SOX6: variants seen among roughly 807,000 people sequenced by gnomAD.
SOX6 encodes the protein SRY-box transcription factor 6.
Under a neutral mutation model 97.8 loss-of-function variants are expected in SOX6, and 11 were observed. That is an observed-to-expected ratio of 0.11 (90% confidence interval 0.07 to 0.19). SOX6 has a LOEUF of 0.19. Among genes scored for constraint, SOX6 ranks in the 10% least tolerant of loss-of-function variants. SOX6 has a pLI of 1.00. For synonymous variants in SOX6, 360 were observed against 371.4 expected, an observed-to-expected ratio of 0.97 and a Z score of 0.35; for missense variants, 810 against 1,039.5, an observed-to-expected ratio of 0.78 and a Z score of 3.04.
chr11:16,426,115 G>A (rs956650239), intron 1 of SOX6, among the ~76,000 whole-genome samples: 2 of 151,342 alleles, frequency 1.3e-5, no homozygotes, highest in African/African-American at 4.9e-5. Context: ...AATTAGCCAG[G>A]CGTGGTGGTG....
intron 2 of SOX6, among the ~76,000 whole-genome samples, chr11:16,715,938 A>T (rs1848216714): frequency 6.6e-6 from 1 of 152,160 alleles, no homozygotes. Context: ...ATATTTTTTT[A>T]AATAAGCATT....
chr11:16,250,894 T>A (rs2134199200), intron 3 of SOX6, among the ~76,000 whole-genome samples: 1 of 152,104 alleles, frequency 6.6e-6, no homozygotes, highest in Non-Finnish European at 1.5e-5. Context: ...ACATAGAAAA[T>A]GACTCATATA....
At chr11:16,251,415 A>G (rs528544298) in intron 3 of SOX6, among the ~76,000 whole-genome samples, 2 of 152,272 alleles carry the variant, frequency 1.3e-5, no homozygotes, top group Non-Finnish European at 2.9e-5. Flanking sequence ...TTATATCAAT[A>G]ATGAAAAAGG....
At chr11:16,191,278 G>C (rs1335750393) in intron 4 of SOX6, among the ~76,000 whole-genome samples, 3 of 152,058 alleles carry the variant, frequency 2.0e-5, no homozygotes, top group African/African-American at 7.2e-5. Flanking sequence ...AACATAGTAA[G>C]AACCTGTCTC....
intron 3 of SOX6, among the ~76,000 whole-genome samples, chr11:16,700,777 C>T (rs1848086836): frequency 6.6e-6 from 1 of 152,138 alleles, no homozygotes; most frequent in African/African-American, 2.4e-5. Flanking sequence ...CCCTTCAGGC[C>T]TGAGGATGAT....
chr11:16,711,418 G>T (rs1002609859), intron 3 of SOX6, among the ~76,000 whole-genome samples: 1 of 107,806 alleles, frequency 9.3e-6, no homozygotes, highest in Non-Finnish European at 2.3e-5. Flanking sequence ...CAGCTACTGG[G>T]GGGTGGAGAT....
At chr11:16,731,280 G>T (rs1278335290) in intron 2 of SOX6, among the ~76,000 whole-genome samples, 2 of 152,068 alleles carry the variant, frequency 1.3e-5, no homozygotes, top group African/African-American at 4.8e-5. Context: ...AAACCTGGCA[G>T]AGACACAACA....
chr11:16,162,957 G>A (rs1850790426), intron 6 of SOX6, among the ~76,000 whole-genome samples: 2 of 151,988 alleles, frequency 1.3e-5, no homozygotes, highest in African/African-American at 4.8e-5. Flanking sequence ...AAAGAGGAAG[G>A]AGTATATGGG....
chr11:16,710,405 CAACT>C (rs934110513), intron 3 of SOX6, among the ~76,000 whole-genome samples: 2 of 152,176 alleles, frequency 1.3e-5, no homozygotes, highest in African/African-American at 2.4e-5. Context: ...CAAGGTCATA[CAACT>C]AATAAGTGGA....
intron 3 of SOX6, among the ~76,000 whole-genome samples, chr11:16,291,482 C>T (rs952963402): frequency 7.2e-5 from 11 of 151,868 alleles, no homozygotes; most frequent in Admixed American, 1.3e-4. Context: ...TACACCATTA[C>T]GTTTTTTGTT....
intron 6 of SOX6, among the ~76,000 whole-genome samples, chr11:16,145,133 A>G (rs536236348): frequency 9.2e-5 from 14 of 152,340 alleles, no homozygotes; most frequent in African/African-American, 3.4e-4. Flanking sequence ...CCATTAGCAC[A>G]TCAAAAACCT....
At chr11:16,182,750 G>A (rs1472351931) in intron 6 of SOX6, among the ~76,000 whole-genome samples, 1 of 151,862 alleles carries the variant, frequency 6.6e-6, no homozygotes, top group Admixed American at 6.6e-5. Flanking sequence ...ATTAGGTAAA[G>A]GGACTGCTTC....
At chr11:16,531,143 AG>A (rs1442907186) in intron 4 of SOX6, among the ~76,000 whole-genome samples, 1 of 150,710 alleles carries the variant, frequency 6.6e-6, no homozygotes, top group African/African-American at 2.4e-5. Flanking sequence ...GAAAGAGAAG[AG>A]AATGTTTCCT....
At chr11:16,699,531 T>C (rs553739015) in intron 3 of SOX6, among the ~76,000 whole-genome samples, 4 of 152,320 alleles carry the variant, frequency 2.6e-5, no homozygotes, top group African/African-American at 9.6e-5. Context: ...AACAAGTGAT[T>C]CTGCTCTGAT....
Position 15,974,378 on chromosome 11 carries a change from C to CTTTTTTTT in SOX6, c.2184-1274_2184-1267dup, listed in dbSNP as rs35597667. On this transcript the variant is annotated intron_variant, in intron 15 of 15. Transcript: ENST00000683767. ...TTTTGTTTTTTTCTGTTAGCTCTCTCTTTTTTTTTTTTTTTTTTTTTTTTA... is the reference window on the plus strand; with the variant it reads ...TTTTGTTTTTTTCTGTTAGCTCTCTCTTTTTTTTTTTTTTTTTTTTTTTTTTTTTTTTA... 3.0e-3 allele frequency among the ~76,000 whole-genome samples: 261 copies of CTTTTTTTT among 85,672 alleles called. 1 individual carries two copies. Among genetic ancestry groups the CTTTTTTTT allele is most frequent in the African/African-American group, 6.0e-3 (120 of 19,842 alleles). The allele number at this position is 85,672 out of a possible 152,430, so 56.2% of individuals were successfully genotyped here. A position where few individuals can be genotyped will look rare whatever the true frequency, so the allele number is the denominator to read the frequency against.
chr11:16,023,160 C>A (rs1855117008), intron 12 of SOX6: 1 of 152,124 alleles, frequency 6.6e-6, no homozygotes, highest in Admixed American at 6.5e-5. Context: ...CTATCATCCC[C>A]TTTCCTCTAA....
At chr11:16,709,188 G>A (rs1041989118) in intron 3 of SOX6, among the ~76,000 whole-genome samples, 1 of 152,106 alleles carries the variant, frequency 6.6e-6, no homozygotes, top group African/African-American at 2.4e-5. Flanking sequence ...CTGCCCTCAT[G>A]ATAGCGAGTT....
At chr11:16,625,693 C>T (rs560240435) in intron 3 of SOX6, among the ~76,000 whole-genome samples, 14 of 151,946 alleles carry the variant, frequency 9.2e-5, no homozygotes, top group Non-Finnish European at 1.5e-4. Flanking sequence ...GTTCATCATG[C>T]CTATGTAGTG....
chr11:16,605,363 C>T lies in SOX6; in HGVS notation n.609+6718G>A, dbSNP rs547798760. 1.2e-4 allele frequency among the ~76,000 whole-genome samples: 19 copies of T among 152,288 alleles called. No individual in the cohort carries two copies. In the South Asian group the frequency reaches 2.3e-3, roughly 18 times the overall value. On this transcript the variant is annotated intron_variant and non_coding_transcript_variant, in intron 4 of 5. Coordinates refer to the SOX6 transcript ENST00000524520. This position sits in a 1 kb window ranked among gnomAD's most constrained non-coding sequence, Gnocchi z 5.3. ...GCCAGGTCAGGCACCACTGCCCTCG[C>T]GGCCAGGGTAAAGAGGACCACAGAT...
Sources: allele counts gnomAD v4.1 joint callset (sites outside exome capture counted in the v4.1 genomes callset), GRCh38; gene constraint gnomAD v4.1.1; non-coding constraint Gnocchi (gnomAD v3.1); transcripts MANE v1.5; gene names NCBI Gene and HGNC (gene_info 2026-07-23, HGNC 2026-07-21).